The following ARHGAP18 variants were observed in gnomAD, a reference collection of about 807,000 sequenced individuals.
The protein encoded by ARHGAP18 is rho GTPase-activating protein 18.
Under a neutral mutation model 86.2 loss-of-function variants are expected in ARHGAP18, and 67 were observed. The ratio of observed to expected loss-of-function variants is 0.78; its 90% CI spans 0.64 to 0.95. ARHGAP18 has a LOEUF of 0.95. Ranked by LOEUF, ARHGAP18 falls within the 40% of genes least tolerant of loss-of-function variation. The pLI is 0.00. For missense variants in ARHGAP18, 691 were observed against 780.4 expected, an observed-to-expected ratio of 0.89 and a Z score of 1.37; for synonymous variants, 283 against 280.4, an observed-to-expected ratio of 1.01 and a Z score of -0.09.
intron 1 of ARHGAP18, among the ~76,000 whole-genome samples, chr6:129,667,577 A>T (rs562884016): frequency 2.6e-5 from 4 of 151,642 alleles, no homozygotes; most frequent in Admixed American, 2.6e-4. Flanking sequence ...CTGCCGTGAA[A>T]GGATTCTCTA....
At chr6:129,685,290 T>G (rs1026242579) in intron 1 of ARHGAP18, among the ~76,000 whole-genome samples, 2 of 152,096 alleles carry the variant, frequency 1.3e-5, no homozygotes, top group African/African-American at 4.8e-5. Flanking sequence ...GCGGATCAAT[T>G]GAGGTCAAGA....
intron 1 of ARHGAP18, among the ~76,000 whole-genome samples, chr6:129,648,559 C>T (rs868483056): frequency 1.8e-4 from 27 of 151,750 alleles, no homozygotes; most frequent in Middle Eastern, 3.4e-3. Flanking sequence ...AGTGCTTGAG[C>T]CCAGAAGTTC....
At chr6:129,623,133 G>C (rs1160059911) in intron 5 of ARHGAP18, among the ~76,000 whole-genome samples, 1 of 150,924 alleles carries the variant, frequency 6.6e-6, no homozygotes. Context: ...TTGCTCTTTT[G>C]TAGGATTTGC....
chr6:129,611,651 A>G, intron 7 of ARHGAP18, 41 bp from the exon 8 acceptor site: 2 of 1,547,940 alleles, frequency 1.3e-6, no homozygotes, highest in East Asian at 2.3e-5. Flanking sequence ...CCGTATTTGT[A>G]ACAGGTACAA....
intron 2 of ARHGAP18, among the ~76,000 whole-genome samples, chr6:129,641,156 G>C (rs17755156): frequency 0.28 from 43,275 of 152,024 alleles, 6,337 homozygotes; most frequent in Non-Finnish European, 0.3. Flanking sequence ...ATCTGGAGAA[G>C]TATACTTTGA....
At position 129,656,354 on chromosome 6, in the gene ARHGAP18, G is replaced by A. The variant is rs921018850; in HGVS notation, c.114-14336C>T. 3.9e-5 allele frequency among the ~76,000 whole-genome samples: 6 copies of A among 152,276 alleles called. No individual in the cohort carries two copies. The East Asian group carries it at 7.7e-4, about 20-fold the overall frequency. The stretch of plus-strand genomic sequence containing the variant: ...CAAAAAGTGCTTAAAAATGTCAGTA[G>A]CACAGTAGGCCAGGTGCGGTGGCTC... On this transcript the variant is annotated intron_variant, in intron 1 of 14. Transcript: ENST00000368149.
At chr6:129,681,267 A>AATTTT (rs1774320488) in intron 1 of ARHGAP18, among the ~76,000 whole-genome samples, 1 of 152,172 alleles carries the variant, frequency 6.6e-6, no homozygotes, top group Non-Finnish European at 1.5e-5. Flanking sequence ...TGGTAGAGAC[A>AATTTT]GGGTTTTACT....
intron 1 of ARHGAP18, among the ~76,000 whole-genome samples, chr6:129,677,374 A>C (rs1019933948): frequency 2.6e-5 from 4 of 151,524 alleles, no homozygotes; most frequent in African/African-American, 9.8e-5. Context: ...GCCCTGGCGA[A>C]AGAGCGAGAC....
intron 1 of ARHGAP18, among the ~76,000 whole-genome samples, chr6:129,681,427 A>G (rs368513077): frequency 1.1e-4 from 16 of 152,220 alleles, no homozygotes; most frequent in East Asian, 5.8e-4. Flanking sequence ...CAAAAAAGAA[A>G]ACATCCTGAG....
intron 7 of ARHGAP18, among the ~76,000 whole-genome samples, chr6:129,613,730 T>TACC (rs758318678): frequency 7.2e-5 from 11 of 152,326 alleles, no homozygotes; most frequent in East Asian, 3.9e-4. Context: ...CATTTTTAGC[T>TACC]ACATTATATT....
intron 1 of ARHGAP18, among the ~76,000 whole-genome samples, chr6:129,671,693 G>GT (rs903071485): frequency 2.0e-5 from 3 of 152,120 alleles, no homozygotes; most frequent in African/African-American, 7.2e-5. Flanking sequence ...GGTAAACAGA[G>GT]TAAGACTCTG....
At chr6:129,700,999 T>TA (rs11461679) in intron 1 of ARHGAP18, among the ~76,000 whole-genome samples, 32,394 of 140,130 alleles carry the variant, frequency 0.23, 4,013 homozygotes, top group East Asian at 0.43. Context: ...ACCCCTCCCT[T>TA]AAAAAAAAAA....
Position 129,686,978 on chromosome 6 carries a change from CTTTTTTT to C in ARHGAP18, c.113+23039_113+23045del, listed in dbSNP as rs71028176. Among the ~76,000 whole-genome samples the C allele has an allele frequency of 2.5e-4, 27 of 106,954 alleles. 1 individual carries two copies. The highest frequency in any genetic ancestry group is 6.5e-4 in the African/African-American group (19 of 29,160). The allele number at this position is 106,954 out of a possible 152,430, so 70.2% of individuals were successfully genotyped here. Reference sequence around the variant, plus strand: ...GCTAATTTTTTTTTCTTTTTTTTTTCTTTTTTTTTTTTTTTTTTGTATTTTTGTAGAG... The same window carrying C: ...GCTAATTTTTTTTTCTTTTTTTTTTCTTTTTTTTTTTGTATTTTTGTAGAG... On this transcript the variant is annotated intron_variant, in intron 1 of 14. Coordinates refer to ENST00000368149, the MANE Select transcript of ARHGAP18 (RefSeq NM_033515.3).
chr6:129,599,470 G>A (rs1788691904), intron 11 of ARHGAP18, 114 bp from the exon 12 acceptor site: 1 of 931,622 alleles, frequency 1.1e-6, no homozygotes, highest in Non-Finnish European at 1.5e-6. Context: ...TTCTCTTTTT[G>A]ATAAGACTGC....
chr6:129,645,609 A>C (rs192592654), intron 1 of ARHGAP18, among the ~76,000 whole-genome samples: 6 of 152,236 alleles, frequency 3.9e-5, no homozygotes, highest in Admixed American at 3.3e-4. Flanking sequence ...TATGCTTCAG[A>C]AGCTCCCGCA....
chr6:129,630,051 T>C (rs1269711660), intron 4 of ARHGAP18, among the ~76,000 whole-genome samples: 2 of 152,094 alleles, frequency 1.3e-5, no homozygotes, highest in African/African-American at 2.4e-5. Flanking sequence ...AAAACAAGAG[T>C]TAGTGCCAAA....
chr6:129,656,012 T>C lies in ARHGAP18; in HGVS notation c.114-13994A>G, dbSNP rs1442014971. Among the ~76,000 whole-genome samples, 3 of 152,240 alleles carry C rather than the reference T, an allele frequency of 2.0e-5. No individual in the cohort carries two copies. The East Asian group carries it at 5.8e-4, about 29-fold the overall frequency. ...AACTGGAATGAAGTCAATGATTCAA[T>C]GTTTTGATGGAGTGATACTATAGAA... On this transcript the variant is annotated intron_variant, in intron 1 of 14. Transcript: ENST00000368149.
At chr6:129,706,315 T>C (rs950800140) in intron 1 of ARHGAP18, among the ~76,000 whole-genome samples, 2 of 152,198 alleles carry the variant, frequency 1.3e-5, no homozygotes, top group African/African-American at 4.8e-5. Context: ...GTGGTTTCCT[T>C]TGGAAACATT....
rs184582141 is a variant in ARHGAP18, at chr6:129,627,588, T to G, written c.786+1765A>C. Among the ~76,000 whole-genome samples, 17 of 151,810 alleles carry G rather than the reference T, an allele frequency of 1.1e-4. No individual in the cohort carries two copies. In the East Asian group the frequency reaches 2.7e-3, roughly 24 times the overall value. On this transcript the variant is annotated intron_variant, in intron 5 of 14. Transcript: ENST00000368149. The stretch of plus-strand genomic sequence containing the variant: ...ACTCTCCACAATTTAATAACCACGT[T>G]TCTTTAATAAATTAATGAGGAGGGA...
Sources: gnomAD v4.1 joint callset for allele counts (sites outside exome capture counted in the v4.1 genomes callset) on GRCh38, gnomAD v4.1.1 for gene constraint, MANE v1.5 for transcripts, NCBI Gene and HGNC (gene_info 2026-07-23, HGNC 2026-07-21) for gene names.